The following CFAP92 variants were observed in gnomAD, a reference collection of about 807,000 sequenced individuals.
CFAP92 encodes cilia and flagella associated protein 92 (putative).
A neutral mutation model predicts 106.3 loss-of-function variants in CFAP92; 86 were observed. The observed-to-expected ratio is 0.81, with a 90% CI of 0.68 to 0.97. CFAP92 has a LOEUF of 0.97. CFAP92 is among the 50% of genes least tolerant of loss of function. CFAP92 has a pLI of 0.00. For synonymous variants in CFAP92, 477 were observed against 506.4 expected, an observed-to-expected ratio of 0.94 and a Z score of 0.78; for missense variants, 1,204 against 1,283.8, an observed-to-expected ratio of 0.94 and a Z score of 0.95.
rs1057523761 is a variant in CFAP92, at chr3:128,912,573, A to G, written c.3281-2240T>C. The G allele has an allele frequency of 8.1e-6, 13 of 1,614,048 alleles. No individual in the cohort carries two copies. Among genetic ancestry groups the G allele is most frequent in the Admixed American group, 1.7e-5 (1 of 60,004 alleles). ...CAGCAGATCCTTGAGAAGCGAGCCT[A>G]TATCTGTGCCCACCCTCTGGACAGG... On this transcript the variant is annotated intron_variant, in intron 15 of 15. Coordinates refer to ENST00000645291, the MANE Select transcript of CFAP92 (RefSeq NM_001394090.1).
chr3:128,929,272 T>C (rs1028885931), intron 12 of CFAP92, among the ~76,000 whole-genome samples: 1 of 152,228 alleles, frequency 6.6e-6, no homozygotes, highest in Non-Finnish European at 1.5e-5. Flanking sequence ...TAAGTGTTTG[T>C]ATGAATGCAG....
the CFAP92 span, among the ~76,000 whole-genome samples, chr3:129,013,207 G>T: frequency 6.6e-6 from 1 of 152,162 alleles, no homozygotes; most frequent in South Asian, 2.1e-4. Context: ...TGTTTTGACG[G>T]TACAGCCTTG....
chr3:128,979,944 AATAAT>A (rs1461562633), intron 4 of CFAP92, among the ~76,000 whole-genome samples: 4 of 97,764 alleles, frequency 4.1e-5, no homozygotes, highest in African/African-American at 1.4e-4. Context: ...CTTAAAGTAT[AATAAT>A]ATATATATAT....
intron 12 of CFAP92, among the ~76,000 whole-genome samples, chr3:128,931,698 C>G: frequency 6.6e-6 from 1 of 151,854 alleles, no homozygotes; most frequent in East Asian, 1.9e-4. Flanking sequence ...AGAACTGATT[C>G]TTTTGAAAAA....
Position 128,987,875 on chromosome 3 carries a change from A to G in CFAP92, c.454-46T>C, listed in dbSNP as rs1486488972. The G allele has an allele frequency of 3.3e-6, 5 of 1,520,324 alleles. No homozygotes were observed. The South Asian group carries it at 5.9e-5, about 18-fold the overall frequency. 94.2% of individuals were successfully genotyped at this position (1,520,324 alleles called of 1,614,324 possible). The stretch of plus-strand genomic sequence containing the variant: ...AGATGTCAACTGGGGAAAGATGTGC[A>G]AAGGCCGTGGCGAACAGAGCAAGCC... On this transcript the variant is annotated intron_variant, in intron 3 of 15. Transcript: ENST00000645291.
chr3:129,005,999 G>GC (rs1255304851), upstream of CFAP92, among the ~76,000 whole-genome samples: 11 of 152,252 alleles, frequency 7.2e-5, no homozygotes, highest in Non-Finnish European at 1.2e-4. Flanking sequence ...CATTGGCATA[G>GC]CCCTTTACAA....
Position 128,965,652 on chromosome 3 carries a change from G to T in CFAP92, c.1212C>A (p.Asn404Lys), listed in dbSNP as rs147658946. 631 of 398,846 alleles carry T rather than the reference G, an allele frequency of 1.6e-3. 4 individuals are homozygous for T. Among genetic ancestry groups the T allele is most frequent in the East Asian group, 1.9e-3 (54 of 28,076 alleles). The allele number at this position is 398,846 out of a possible 1,614,324, so 24.7% of individuals were successfully genotyped here. ...TTAAAGTCAAAAGGCAATCTAAAATGTTGGCAGACTTCTCACTGCCACGAC... is the reference window on the plus strand; with the variant it reads ...TTAAAGTCAAAAGGCAATCTAAAATTTTGGCAGACTTCTCACTGCCACGAC... ...VVSRGSEKSA[N>K]ILDCLLTLKT... The change falls in exon 9 of 16, where the codon AAC becomes AAA. Residue 404 changes from asparagine to lysine, a missense_variant. By Grantham distance (94) the Asn-to-Lys change is moderately conservative (BLOSUM62 0). Transcript: ENST00000645291.
At chr3:128,935,401 CT>C in intron 10 of CFAP92, 82 bp from the exon 11 acceptor site, 1 of 940,706 alleles carries the variant, frequency 1.1e-6, no homozygotes, top group Non-Finnish European at 1.5e-6. Context: ...TCAGGTACAG[CT>C]TTTATGTTAT....
chr3:129,001,399 C>T (rs1311860947), intron 1 of CFAP92, among the ~76,000 whole-genome samples: 6 of 152,230 alleles, frequency 3.9e-5, no homozygotes, highest in Admixed American at 3.9e-4. Flanking sequence ...GTGGCGCTGC[C>T]GGGGTCCCGG....
intron 15 of CFAP92, chr3:128,912,452 T>C: frequency 6.5e-7 from 1 of 1,530,444 alleles, no homozygotes; most frequent in South Asian, 1.1e-5. Flanking sequence ...TTCAGCCATG[T>C]TTGTCTTATC....
At chr3:128,998,932 A>G (rs1378676193), upstream of CFAP92, among the ~76,000 whole-genome samples, 1 of 152,238 alleles carries the variant, frequency 6.6e-6, no homozygotes, top group Non-Finnish European at 1.5e-5. Flanking sequence ...CACTCCAAAA[A>G]GTTCTTTCAT....
chr3:128,964,807 C>T lies in CFAP92; in HGVS notation c.1353+704G>A, dbSNP rs536749310. On this transcript the variant is annotated intron_variant, in intron 9 of 15. Transcript: ENST00000645291. ...CCTCCCTTCAGCTTAATCTCTCCCA[C>T]TCTAGGTTCCCACGCTGCCCCTAAT... is the stretch of plus-strand genomic sequence containing the variant. Among the ~76,000 whole-genome samples, 475 of 152,308 alleles carry T rather than the reference C, an allele frequency of 3.1e-3. 1 individual carries two copies. Among genetic ancestry groups the T allele is most frequent in the Non-Finnish European group, 4.4e-3 (301 of 68,034 alleles).
intron 2 of CFAP92, among the ~76,000 whole-genome samples, chr3:128,990,978 AT>A (rs901002226): frequency 1.3e-5 from 2 of 152,218 alleles, no homozygotes; most frequent in African/African-American, 4.8e-5. Flanking sequence ...GGAAAAAAAA[AT>A]TAAACTAGAA....
rs770740555 is a variant in CFAP92 at position 128,910,199 on chromosome 3, G to A, written c.*100C>T. The A allele has an allele frequency of 4.7e-6, 7 of 1,500,422 alleles. No individual in the cohort carries two copies. The South Asian group carries it at 8.0e-5, about 17-fold the overall frequency. 92.9% of individuals were successfully genotyped at this position (1,500,422 alleles called of 1,614,324 possible). A position where few individuals can be genotyped will look rare whatever the true frequency, so the allele number is the denominator to read the frequency against. ...GGGCCTGGCTGCTGCCATCTGTCCT[G>A]CTGCACTTTAATGAAGTTGATTGTT... On this transcript the variant is annotated 3_prime_UTR_variant, in exon 16 of 16. Coordinates refer to ENST00000645291, the MANE Select transcript of CFAP92 (RefSeq NM_001394090.1).
chr3:128,932,849 G>C lies in CFAP92; in HGVS notation c.2602C>G (p.Leu868Val), dbSNP rs1189966620. Residue 868 changes from leucine (L) to valine (V), a missense_variant, in exon 12 of 16, where the codon CTA becomes GTA. Physicochemically the swap from Leu to Val is conservative, Grantham distance 32. Transcript: ENST00000645291. ...EELTDEKLFA[L>V]PPQPAPNLED... ...AGATTGGGGGCAGGCTGAGGTGGTAGGGCAAACAGTTTCTCATCTGTGAGT... is the reference window on the plus strand; with the variant it reads ...AGATTGGGGGCAGGCTGAGGTGGTACGGCAAACAGTTTCTCATCTGTGAGT... 3 of 1,536,250 alleles carry C rather than the reference G, an allele frequency of 2.0e-6. No individual in the cohort carries two copies. The highest frequency in any genetic ancestry group is 2.4e-5 in the South Asian group (2 of 84,062).
intron 15 of CFAP92, among the ~76,000 whole-genome samples, chr3:128,913,321 T>A (rs977006588): frequency 6.6e-6 from 1 of 152,190 alleles, no homozygotes; most frequent in Non-Finnish European, 1.5e-5. Flanking sequence ...TCTCAGGAGA[T>A]GATGGGGAGG....
chr3:129,002,044 A>G (rs886067135), intron 1 of CFAP92: 10 of 1,543,012 alleles, frequency 6.5e-6, no homozygotes, highest in Admixed American at 2.0e-5. Context: ...GAGCCGCCGG[A>G]GCTCACCTTC....
chr3:129,000,795 G>A (rs1005539244), intron 1 of CFAP92, among the ~76,000 whole-genome samples: 1 of 152,208 alleles, frequency 6.6e-6, no homozygotes. Flanking sequence ...AGGGCCGGGA[G>A]ACACCACTTT....
intron 1 of CFAP92, chr3:129,001,562 G>A (rs1272942125): frequency 2.3e-5 from 31 of 1,346,832 alleles, no homozygotes; most frequent in Middle Eastern, 2.7e-4. Flanking sequence ...CTCTGGGGCC[G>A]CCCCTGGAAG....
Sources: allele counts gnomAD v4.1 joint callset (sites outside exome capture counted in the v4.1 genomes callset), GRCh38; gene constraint gnomAD v4.1.1; transcripts MANE v1.5; gene names NCBI Gene and HGNC (gene_info 2026-07-23, HGNC 2026-07-21).